ARL15: variants seen among roughly 807,000 people sequenced by gnomAD.
ARL15 encodes the protein ARF like GTPase 15, also known as ADP-ribosylation factor-like protein 15.
In ARL15, 19 loss-of-function variants were observed where a neutral mutation model predicts 25.2. The ratio of observed to expected loss-of-function variants is 0.75; its 90% confidence interval spans 0.53 to 1.10. The LOEUF (loss-of-function observed/expected upper bound fraction) is 1.10. ARL15 is among the 50% of genes least tolerant of loss of function. ARL15 has a pLI of 0.00. For synonymous variants in ARL15, 94 were observed against 86.8 expected, an observed-to-expected ratio of 1.08 and a Z score of -0.46; for missense variants, 220 against 246.0, an observed-to-expected ratio of 0.89 and a Z score of 0.71.
chr5:53,975,537 G>A (rs188823554), intron 4 of ARL15, among the ~76,000 whole-genome samples: 2 of 152,322 alleles, frequency 1.3e-5, no homozygotes, highest in East Asian at 3.9e-4. Context: ...GCATGCAAAG[G>A]ACTGTGAAAT....
intron 4 of ARL15, among the ~76,000 whole-genome samples, chr5:53,920,161 C>T (rs1051509293): frequency 3.3e-5 from 5 of 152,086 alleles, no homozygotes; most frequent in Admixed American, 1.3e-4. Flanking sequence ...CCTTCCTTCC[C>T]GTAAGTACCT....
At chr5:54,140,673 T>C (rs1753750614) in intron 3 of ARL15, among the ~76,000 whole-genome samples, 1 of 152,052 alleles carries the variant, frequency 6.6e-6, no homozygotes, top group Non-Finnish European at 1.5e-5. Flanking sequence ...TGTGGAAAAA[T>C]GAAATGAGGC....
intron 4 of ARL15, among the ~76,000 whole-genome samples, chr5:53,978,693 T>G (rs546821823): frequency 6.7e-6 from 1 of 150,132 alleles, no homozygotes; most frequent in South Asian, 2.1e-4. Flanking sequence ...TATGCTAAAG[T>G]CCAGTATTCT....
chr5:54,163,955 A>G (rs1754495508), intron 2 of ARL15, among the ~76,000 whole-genome samples: 1 of 151,812 alleles, frequency 6.6e-6, no homozygotes, highest in Non-Finnish European at 1.5e-5. Context: ...TTTTTCTTCC[A>G]GTTCCCTAAG....
Position 53,985,692 on chromosome 5 carries a change from C to A in ARL15, c.463-98979G>T, listed in dbSNP as rs1413152109. Among the ~76,000 whole-genome samples, 2 of 152,150 alleles carry A rather than the reference C, an allele frequency of 1.3e-5. 1 individual carries two copies. The highest frequency in any genetic ancestry group is 3.8e-4 in the East Asian group (2 of 5,204). ...TTCCATTGCATGTGTATATATAGTACATTTGCTTATCTATTCATCCGCTGA... is the reference window on the plus strand; with the variant it reads ...TTCCATTGCATGTGTATATATAGTAAATTTGCTTATCTATTCATCCGCTGA... On this transcript the variant is annotated intron_variant, in intron 4 of 4. Coordinates refer to ENST00000504924, the MANE Select transcript of ARL15 (RefSeq NM_019087.3).
At chr5:54,200,445 T>A (rs1309093605) in intron 1 of ARL15, among the ~76,000 whole-genome samples, 3 of 152,080 alleles carry the variant, frequency 2.0e-5, no homozygotes, top group African/African-American at 7.2e-5. Context: ...ACCTCAAACT[T>A]TGAGAAGCAG....
intron 4 of ARL15, among the ~76,000 whole-genome samples, chr5:54,025,794 A>T (rs912410494): frequency 2.0e-5 from 3 of 152,214 alleles, no homozygotes; most frequent in Non-Finnish European, 4.4e-5. Flanking sequence ...TTATAACAGT[A>T]ATAATTTCCG....
intron 4 of ARL15, among the ~76,000 whole-genome samples, chr5:53,965,289 T>C (rs888543455): frequency 1.3e-5 from 2 of 152,210 alleles, no homozygotes; most frequent in African/African-American, 4.8e-5. Flanking sequence ...ACAAAATTTA[T>C]TCATGGTATT....
At chr5:53,913,899 C>G (rs1459534981) in intron 4 of ARL15, among the ~76,000 whole-genome samples, 2 of 152,050 alleles carry the variant, frequency 1.3e-5, no homozygotes, top group Non-Finnish European at 2.9e-5. Context: ...TCTTGAAGTA[C>G]AATTATTATA....
At chr5:54,021,206 A>G (rs967854751) in intron 4 of ARL15, among the ~76,000 whole-genome samples, 2 of 151,258 alleles carry the variant, frequency 1.3e-5, no homozygotes, top group African/African-American at 2.4e-5. Context: ...GTGGTGGCAC[A>G]TGCCTGTAAT....
Position 54,074,482 on chromosome 5 carries a change from A to T in ARL15, c.462+38720T>A, listed in dbSNP as rs117902738. On this transcript the variant is annotated intron_variant, in intron 4 of 4. Transcript: ENST00000504924. Reference sequence around the variant, plus strand: ...AACTGAGAAGAAGGAAGAAGAATAAAGAAGATAAGATCCTAAGAGGAAAAG... The same window carrying T: ...AACTGAGAAGAAGGAAGAAGAATAATGAAGATAAGATCCTAAGAGGAAAAG... Among the ~76,000 whole-genome samples, 188 of 152,372 alleles carry T rather than the reference A, an allele frequency of 1.2e-3. 1 individual carries two copies. The East Asian group carries it at 0.019, about 15-fold the overall frequency.
At chr5:54,060,422 G>A (rs71619989) in intron 4 of ARL15, among the ~76,000 whole-genome samples, 4 of 152,158 alleles carry the variant, frequency 2.6e-5, no homozygotes, top group Non-Finnish European at 4.4e-5. Flanking sequence ...GCTACAGAGC[G>A]AGACACTGTA....
At chr5:53,968,890 T>C (rs1747650359) in intron 4 of ARL15, among the ~76,000 whole-genome samples, 1 of 151,714 alleles carries the variant, frequency 6.6e-6, no homozygotes, top group South Asian at 2.1e-4. Context: ...GCACGGTGAC[T>C]CACGCCTGTA....
intron 1 of ARL15, 106 bp from the exon 2 acceptor site, chr5:54,172,034 G>C (rs2112402162): frequency 1.5e-6 from 2 of 1,322,152 alleles, no homozygotes; most frequent in South Asian, 1.5e-5. Flanking sequence ...ATTGAATAAA[G>C]TATTACCTAT....
At chr5:53,903,404 A>G (rs1020203064) in intron 4 of ARL15, among the ~76,000 whole-genome samples, 2 of 152,178 alleles carry the variant, frequency 1.3e-5, no homozygotes, top group Non-Finnish European at 2.9e-5. Flanking sequence ...GTGGGGAAGC[A>G]GAGCAGGTGG....
intron 1 of ARL15, among the ~76,000 whole-genome samples, chr5:54,304,440 C>T (rs1758702267): frequency 6.6e-6 from 1 of 152,230 alleles, no homozygotes; most frequent in Admixed American, 6.5e-5. Context: ...CTGAGCACTG[C>T]CCACATGCCA....
chr5:54,184,634 A>G (rs1016181428), intron 1 of ARL15, among the ~76,000 whole-genome samples: 2 of 138,482 alleles, frequency 1.4e-5, no homozygotes, highest in Non-Finnish European at 1.6e-5. Context: ...AAAAAAAAAA[A>G]GGAAAACAAA....
At position 53,946,024 on chromosome 5, in the gene ARL15, T is replaced by C. The variant is rs539633116; in HGVS notation, c.463-59311A>G. Among the ~76,000 whole-genome samples, 9 of 152,334 alleles carry C rather than the reference T, an allele frequency of 5.9e-5. No homozygotes were observed. The South Asian group carries it at 1.9e-3, about 32-fold the overall frequency. ...TATTCCACCCTTTAGCTGTGTGGCA[T>C]TGGGAACCCTCACTCTTTCAAATTT... On this transcript the variant is annotated intron_variant, in intron 4 of 4. Transcript: ENST00000504924.
intron 1 of ARL15, among the ~76,000 whole-genome samples, chr5:54,287,113 C>T (rs772967201): frequency 2.6e-5 from 4 of 151,980 alleles, no homozygotes; most frequent in Non-Finnish European, 5.9e-5. Flanking sequence ...CTCCTGGGCT[C>T]CAGTGATCCT....
Sources: allele counts gnomAD v4.1 joint callset (sites outside exome capture counted in the v4.1 genomes callset), GRCh38; gene constraint gnomAD v4.1.1; transcripts MANE v1.5; gene names NCBI Gene and HGNC (gene_info 2026-07-23, HGNC 2026-07-21).